PPM1B: variants seen among roughly 807,000 people sequenced by gnomAD.
PPM1B encodes protein phosphatase, Mg2+/Mn2+ dependent 1B.
PPM1B carries 22 observed loss-of-function variants against 43.0 expected under a neutral mutation model. The observed-to-expected ratio is 0.51, with a 90% CI of 0.37 to 0.73. The LOEUF (loss-of-function observed/expected upper bound fraction) is 0.73, where lower values mean the gene tolerates loss of function less well. PPM1B is among the 30% of genes least tolerant of loss of function. PPM1B has a pLI of 0.00. For synonymous variants in PPM1B, 217 were observed against 197.9 expected (o/e 1.10, Z -0.81); for missense variants, 632 against 584.2 (o/e 1.08, Z -0.84).
At chr2:44,169,570 C>T (rs765800991) in intron 1 of PPM1B, among the ~76,000 whole-genome samples, 1 of 152,248 alleles carries the variant, frequency 6.6e-6, no homozygotes, top group Non-Finnish European at 1.5e-5. Context: ...TTCTCTCTTC[C>T]CTCCGCTTCA....
At chr2:44,216,751 C>A (rs1165606745) in intron 3 of PPM1B, among the ~76,000 whole-genome samples, 1 of 152,030 alleles carries the variant, frequency 6.6e-6, no homozygotes, top group Non-Finnish European at 1.5e-5. Flanking sequence ...CATGGTGAAA[C>A]CCCATCTCTA....
intron 1 of PPM1B, among the ~76,000 whole-genome samples, chr2:44,190,189 C>T (rs1236008470): frequency 6.7e-6 from 1 of 148,876 alleles, no homozygotes; most frequent in East Asian, 1.9e-4. Context: ...ACCGTCTTGC[C>T]CTGTTGCCCA....
downstream of PPM1B, among the ~76,000 whole-genome samples, chr2:44,246,918 T>C (rs1415385181): frequency 6.6e-6 from 1 of 152,136 alleles, no homozygotes; most frequent in Non-Finnish European, 1.5e-5. Flanking sequence ...ATTAAAATAT[T>C]TTTAAAAATA....
In PPM1B at chr2:44,240,250, T is replaced by G. The variant is rs962265932; in HGVS notation, n.1547-3978T>G. Among the ~76,000 whole-genome samples, 3 of 146,202 alleles carry G rather than the reference T, an allele frequency of 2.1e-5. 1 individual carries two copies. The highest frequency in any genetic ancestry group is 4.9e-5 in the African/African-American group (2 of 40,794). ...AAGAGCTTGCATCCATTTGGGGATA[T>G]AATATTGAAAATTGTTCGCCCTTCC... On this transcript the variant is annotated intron_variant and non_coding_transcript_variant, in intron 5 of 5. Transcript: ENST00000378540.
intron 5 of PPM1B, among the ~76,000 whole-genome samples, chr2:44,228,114 G>C (rs1164039407): frequency 1.3e-5 from 2 of 150,884 alleles, no homozygotes; most frequent in African/African-American, 4.9e-5. Context: ...AGTAGAGATA[G>C]GGTTTCACCA....
chr2:44,243,475 A>G (rs1213347091), intron 5 of PPM1B, among the ~76,000 whole-genome samples: 7 of 152,148 alleles, frequency 4.6e-5, no homozygotes, highest in Admixed American at 3.9e-4. Flanking sequence ...TCCTAAGTAA[A>G]TATTTACATA....
At chr2:44,169,638 C>T (rs1667225363) in intron 1 of PPM1B, among the ~76,000 whole-genome samples, 2 of 152,246 alleles carry the variant, frequency 1.3e-5, no homozygotes, top group South Asian at 4.1e-4. Context: ...CTTGGCGCTT[C>T]TCTTCCTGGT....
intron 2 of PPM1B, among the ~76,000 whole-genome samples, chr2:44,208,439 G>A (rs898686146): frequency 1.6e-4 from 24 of 152,090 alleles, no homozygotes; most frequent in African/African-American, 5.1e-4. Flanking sequence ...GGGGCTGGGC[G>A]CGGTGGCTCA....
intron 1 of PPM1B, among the ~76,000 whole-genome samples, chr2:44,182,542 T>A (rs1667931516): frequency 6.6e-6 from 1 of 152,154 alleles, no homozygotes; most frequent in African/African-American, 2.4e-5. Context: ...ATTACAGGAG[T>A]GAACCACAGT....
At chr2:44,233,865 A>C (rs994964019), downstream of PPM1B, 7 of 985,432 alleles carry the variant, frequency 7.1e-6, no homozygotes, top group Non-Finnish European at 8.4e-6. Context: ...TGATGTGAAA[A>C]GCTGTTTGTC....
chr2:44,170,108 T>A (rs149018056), intron 1 of PPM1B, among the ~76,000 whole-genome samples: 491 of 152,374 alleles, frequency 3.2e-3, no homozygotes, highest in African/African-American at 0.011. Flanking sequence ...TTTCTTCATT[T>A]TTTAAACTTG....
chr2:44,235,301 A>G (rs1002944232), downstream of PPM1B, among the ~76,000 whole-genome samples: 6 of 152,290 alleles, frequency 3.9e-5, no homozygotes, highest in African/African-American at 1.4e-4. Flanking sequence ...TTATTCTGCA[A>G]TGATTAAAGT....
At chr2:44,233,865 A>G (rs994964019), downstream of PPM1B, 1 of 985,432 alleles carries the variant, frequency 1.0e-6, no homozygotes, top group African/African-American at 1.7e-5. Context: ...TGATGTGAAA[A>G]GCTGTTTGTC....
chr2:44,186,294 G>A (rs1411382466), intron 1 of PPM1B, among the ~76,000 whole-genome samples: 2 of 152,166 alleles, frequency 1.3e-5, no homozygotes, highest in African/African-American at 4.8e-5. Context: ...ATATTTCTTG[G>A]TAACACTTTG....
chr2:44,192,302 C>A (rs1668446597), intron 1 of PPM1B, among the ~76,000 whole-genome samples: 1 of 152,026 alleles, frequency 6.6e-6, no homozygotes, highest in African/African-American at 2.4e-5. Flanking sequence ...ACTGCAACCT[C>A]CATCTCCTGG....
chr2:44,194,884 C>T (rs1202876409), intron 1 of PPM1B, among the ~76,000 whole-genome samples: 1 of 151,518 alleles, frequency 6.6e-6, no homozygotes, highest in Non-Finnish European at 1.5e-5. Flanking sequence ...GCAAGATAGA[C>T]CTCCAGTCTT....
chr2:44,233,159 A>G (rs1199260002), downstream of PPM1B: 4 of 961,374 alleles, frequency 4.2e-6, no homozygotes, highest in Non-Finnish European at 5.0e-6. Context: ...GTGGGTTTCT[A>G]TAGTTTTAAT....
downstream of PPM1B, chr2:44,233,995 G>A (rs1670541529): frequency 6.1e-6 from 6 of 984,862 alleles, no homozygotes; most frequent in Non-Finnish European, 7.2e-6. Flanking sequence ...GTATGATATT[G>A]TGATGTTTCA....
At chr2:44,183,742 TTTC>T (rs1476677678) in intron 1 of PPM1B, among the ~76,000 whole-genome samples, 5 of 152,154 alleles carry the variant, frequency 3.3e-5, no homozygotes, top group African/African-American at 1.2e-4. Flanking sequence ...TTAGTTTTTT[TTTC>T]TTCTTTTTTT....
Sources: gnomAD v4.1 joint callset for allele counts (sites outside exome capture counted in the v4.1 genomes callset) on GRCh38, gnomAD v4.1.1 for gene constraint, MANE v1.5 for transcripts, NCBI Gene and HGNC (gene_info 2026-07-23, HGNC 2026-07-21) for gene names.